OPCML: variants seen among roughly 807,000 people sequenced by gnomAD.
The protein encoded by OPCML is opioid binding protein/cell adhesion molecule like.
A neutral mutation model predicts 37.8 loss-of-function variants in OPCML; 13 were observed. That is an observed-to-expected ratio of 0.34 (90% CI 0.22 to 0.55). OPCML has a LOEUF of 0.55. Among genes scored for constraint, OPCML ranks in the 20% least tolerant of loss-of-function variants. OPCML has a pLI of 0.91. For missense variants in OPCML, 341 were observed against 435.6 expected (o/e 0.78, Z 1.93); for synonymous variants, 176 against 168.8 (o/e 1.04, Z -0.33).
intron 3 of OPCML, among the ~76,000 whole-genome samples, chr11:132,575,819 G>A (rs2096449126): frequency 1.3e-5 from 2 of 151,960 alleles, no homozygotes; most frequent in African/African-American, 2.4e-5. Flanking sequence ...TTTCTTATGT[G>A]ACAGGTTTAG....
chr11:132,455,126 C>A (rs1324181428), intron 4 of OPCML, among the ~76,000 whole-genome samples: 1 of 152,212 alleles, frequency 6.6e-6, no homozygotes, highest in Non-Finnish European at 1.5e-5. Flanking sequence ...CTCCTCATAC[C>A]AGCATTGCAA....
intron 2 of OPCML, among the ~76,000 whole-genome samples, chr11:132,690,192 A>T (rs1591732613): frequency 6.6e-6 from 1 of 152,252 alleles, no homozygotes; most frequent in South Asian, 2.1e-4. Flanking sequence ...CTCCCACCTC[A>T]GTCTCACAAA....
intron 2 of OPCML, among the ~76,000 whole-genome samples, chr11:132,741,410 G>A (rs1425218402): frequency 6.6e-6 from 1 of 152,142 alleles, no homozygotes; most frequent in Non-Finnish European, 1.5e-5. Context: ...ACTTGATCCT[G>A]AGAATCATAC....
chr11:132,836,905 G>A (rs1484393734), intron 2 of OPCML, among the ~76,000 whole-genome samples: 1 of 152,136 alleles, frequency 6.6e-6, no homozygotes, highest in African/African-American at 2.4e-5. Flanking sequence ...GAATCCATTT[G>A]ATAACCAGTG....
chr11:133,153,806 C>T (rs1950020344), intron 1 of OPCML, among the ~76,000 whole-genome samples: 1 of 152,078 alleles, frequency 6.6e-6, no homozygotes, highest in East Asian at 1.9e-4. Context: ...CCCTGGGAAA[C>T]GTGCTTCTCA....
chr11:132,763,480 G>A lies in OPCML; in HGVS notation c.147-106161C>T, dbSNP rs543562440. On this transcript the variant is annotated intron_variant, in intron 2 of 7. Transcript: ENST00000524381. Reference sequence around the variant, plus strand: ...ACATTTGCCTAATTTGAAAAGTGACGCTCTTTCCACTATGCGTTGTGGCTT... The same window carrying A: ...ACATTTGCCTAATTTGAAAAGTGACACTCTTTCCACTATGCGTTGTGGCTT... Among the ~76,000 whole-genome samples, 5 of 152,254 alleles carry A rather than the reference G, an allele frequency of 3.3e-5. No homozygotes were observed. The South Asian group carries it at 6.2e-4, about 19-fold the overall frequency.
chr11:132,658,128 T>C (rs1031719304), intron 2 of OPCML, among the ~76,000 whole-genome samples: 1 of 152,126 alleles, frequency 6.6e-6, no homozygotes, highest in Non-Finnish European at 1.5e-5. Flanking sequence ...ACTGAAAGTG[T>C]TGGACGTCTG....
intron 4 of OPCML, among the ~76,000 whole-genome samples, chr11:132,469,860 T>C (rs1298580645): frequency 9.0e-6 from 1 of 111,318 alleles, no homozygotes; most frequent in Non-Finnish European, 1.8e-5. Context: ...TGTATGTATG[T>C]GTGGGGGTGT....
intron 3 of OPCML, among the ~76,000 whole-genome samples, chr11:132,585,737 C>T (rs73041734): frequency 0.024 from 3,662 of 152,238 alleles, 113 homozygotes; most frequent in East Asian, 0.055. Flanking sequence ...CTAAAGAAAT[C>T]AGGGACAAAT....
At chr11:132,437,791 T>C (rs1592172749) in intron 4 of OPCML, among the ~76,000 whole-genome samples, 1 of 152,352 alleles carries the variant, frequency 6.6e-6, no homozygotes, top group African/African-American at 2.4e-5. Flanking sequence ...TTTTCATTTG[T>C]AGAAATGTTT....
chr11:133,341,686 A>C (rs545110738), intron 1 of OPCML, among the ~76,000 whole-genome samples: 2 of 152,202 alleles, frequency 1.3e-5, no homozygotes, highest in Admixed American at 1.3e-4. Flanking sequence ...TGGGAGGCCA[A>C]GGCAGGTGGA....
At chr11:132,905,228 T>TA (rs1475181164) in intron 2 of OPCML, among the ~76,000 whole-genome samples, 1 of 124,434 alleles carries the variant, frequency 8.0e-6, no homozygotes, top group Non-Finnish European at 1.8e-5. Context: ...AGCAGTTCTT[T>TA]TTTTTTTTTT....
intron 4 of OPCML, among the ~76,000 whole-genome samples, chr11:132,516,930 TA>T (rs1323836893): frequency 6.6e-6 from 1 of 152,168 alleles, no homozygotes; most frequent in African/African-American, 2.4e-5. Flanking sequence ...CCCAGAGTTC[TA>T]AATCCAGCCA....
intron 2 of OPCML, among the ~76,000 whole-genome samples, chr11:132,758,758 T>C (rs1038838383): frequency 3.3e-5 from 5 of 152,238 alleles, no homozygotes; most frequent in Admixed American, 6.5e-5. Flanking sequence ...GGAGACATTT[T>C]GACTTCTTCT....
Position 133,332,719 on chromosome 11 carries a change from G to T in OPCML, c.61+199545C>A, listed in dbSNP as rs1385240681. On this transcript the variant is annotated intron_variant, in intron 1 of 7. Coordinates refer to ENST00000524381, the MANE Select transcript of OPCML (RefSeq NM_001012393.5). ...ATGTATCTACTGAAATAGTCATGTG[G>T]TTTTTGTTTTTAGTTCTGTTTATCT... Among the ~76,000 whole-genome samples the T allele has an allele frequency of 2.6e-5, 4 of 152,198 alleles. No individual in the cohort carries two copies. In the East Asian group the frequency reaches 7.7e-4, roughly 29 times the overall value.
intron 1 of OPCML, among the ~76,000 whole-genome samples, chr11:133,037,409 G>C (rs142706919): frequency 2.7e-3 from 414 of 152,308 alleles, no homozygotes; most frequent in Non-Finnish European, 5.2e-3. Flanking sequence ...ACCATCTGCA[G>C]AGTCTTTCAA....
At chr11:132,525,894 C>A (rs1244435455) in intron 4 of OPCML, 1 of 152,022 alleles carries the variant, frequency 6.6e-6, no homozygotes, top group African/African-American at 2.4e-5. Flanking sequence ...TTTTGGAGTT[C>A]AAATGCTTAA....
intron 3 of OPCML, among the ~76,000 whole-genome samples, chr11:132,566,703 T>C (rs1199377557): frequency 6.6e-6 from 1 of 152,220 alleles, no homozygotes; most frequent in African/African-American, 2.4e-5. Context: ...TTTCTGTTTA[T>C]CACTGCGAGG....
intron 2 of OPCML, among the ~76,000 whole-genome samples, chr11:132,865,919 C>T (rs1352312924): frequency 1.3e-5 from 2 of 152,088 alleles, no homozygotes; most frequent in South Asian, 2.1e-4. Flanking sequence ...GGCAATTCCA[C>T]GATCTAATAA....
Sources: allele counts gnomAD v4.1 joint callset (sites outside exome capture counted in the v4.1 genomes callset), GRCh38; gene constraint gnomAD v4.1.1; transcripts MANE v1.5; gene names NCBI Gene and HGNC (gene_info 2026-07-23, HGNC 2026-07-21).